The following NRXN3 variants were observed in gnomAD, a reference collection of about 807,000 sequenced individuals.
NRXN3 encodes neurexin III.
A neutral mutation model predicts 137.6 loss-of-function variants in NRXN3; 32 were observed. The ratio of observed to expected loss-of-function variants is 0.23; its 90% CI spans 0.18 to 0.31. The LOEUF is 0.31. Ranked by LOEUF, NRXN3 falls within the 10% of genes least tolerant of loss-of-function variation. The pLI is 1.00. For synonymous variants in NRXN3, 798 were observed against 784.5 expected (o/e 1.02, Z -0.29); for missense variants, 1,574 against 2,062.5 (o/e 0.76, Z 4.59).
chr14:78,655,782 T>C (rs1041327565), intron 6 of NRXN3, among the ~76,000 whole-genome samples: 2 of 152,184 alleles, frequency 1.3e-5, no homozygotes, highest in Admixed American at 1.3e-4. Flanking sequence ...AAAAGTATCA[T>C]AGGCTGAGTG....
At chr14:78,259,071 G>A (rs375045045) in intron 2 of NRXN3, among the ~76,000 whole-genome samples, 307 of 151,108 alleles carry the variant, frequency 2.0e-3, no homozygotes, top group African/African-American at 7.1e-3. Flanking sequence ...GGTGGAGGTT[G>A]CAGTGAGCCA....
At chr14:79,489,106 C>T (rs1487601008) in intron 16 of NRXN3, among the ~76,000 whole-genome samples, 1 of 151,990 alleles carries the variant, frequency 6.6e-6, no homozygotes, top group Admixed American at 6.6e-5. Flanking sequence ...GGAAAAGTGA[C>T]CATAATGAAA....
intron 15 of NRXN3, among the ~76,000 whole-genome samples, chr14:79,047,144 GAA>G (rs112268708): frequency 1.2e-4 from 15 of 121,496 alleles, no homozygotes; most frequent in African/African-American, 3.8e-4. Context: ...CCCCACCCCC[GAA>G]AAAAAAAAAA....
chr14:78,476,875 T>C (rs1174423031), intron 4 of NRXN3, among the ~76,000 whole-genome samples: 4 of 152,242 alleles, frequency 2.6e-5, no homozygotes, highest in Non-Finnish European at 5.9e-5. Context: ...CCATTTATCT[T>C]CCATAACACC....
intron 15 of NRXN3, among the ~76,000 whole-genome samples, chr14:79,446,504 A>G (rs1316378548): frequency 6.6e-6 from 1 of 152,110 alleles, no homozygotes; most frequent in Non-Finnish European, 1.5e-5. Context: ...GTTGCTCTCC[A>G]CATAAAAATA....
At chr14:79,539,087 T>C (rs1429601328) in intron 16 of NRXN3, among the ~76,000 whole-genome samples, 1 of 152,066 alleles carries the variant, frequency 6.6e-6, no homozygotes, top group South Asian at 2.1e-4. Flanking sequence ...TGAGATGGAG[T>C]CTTGCTCTGT....
At chr14:78,522,485 G>A (rs1282221918) in intron 4 of NRXN3, among the ~76,000 whole-genome samples, 2 of 152,170 alleles carry the variant, frequency 1.3e-5, no homozygotes, top group South Asian at 4.1e-4. Flanking sequence ...ATCGGAAATA[G>A]TTGACTACAA....
chr14:78,218,347 C>A (rs537872403), intron 1 of NRXN3, among the ~76,000 whole-genome samples: 1 of 152,248 alleles, frequency 6.6e-6, no homozygotes, highest in East Asian at 1.9e-4. Flanking sequence ...CAAAGAAAGA[C>A]CCTATCGCTC....
intron 10 of NRXN3, among the ~76,000 whole-genome samples, chr14:78,879,174 A>C (rs780860471): frequency 6.6e-6 from 1 of 152,176 alleles, no homozygotes; most frequent in Non-Finnish European, 1.5e-5. Context: ...TGAATGTTGG[A>C]CTGCAGATAT....
intron 15 of NRXN3, among the ~76,000 whole-genome samples, chr14:79,429,219 G>A (rs979359581): frequency 2.0e-5 from 3 of 152,030 alleles, no homozygotes; most frequent in Non-Finnish European, 2.9e-5. Flanking sequence ...TTGAGAAATC[G>A]ATTCGTGTAT....
chr14:79,775,817 A>G (rs1379121820), intron 19 of NRXN3, among the ~76,000 whole-genome samples: 1 of 152,200 alleles, frequency 6.6e-6, no homozygotes, highest in African/African-American at 2.4e-5. Flanking sequence ...GATTTTGGGC[A>G]TCTTGGTTCT....
chr14:78,418,090 A>C (rs1043379428), intron 4 of NRXN3, among the ~76,000 whole-genome samples: 1 of 152,144 alleles, frequency 6.6e-6, no homozygotes, highest in Non-Finnish European at 1.5e-5. Flanking sequence ...ATTAGTGTGC[A>C]TGTTCTCCAT....
At chr14:78,636,522 CAA>C (rs1393337174) in intron 4 of NRXN3, among the ~76,000 whole-genome samples, 2 of 152,016 alleles carry the variant, frequency 1.3e-5, no homozygotes, top group Non-Finnish European at 2.9e-5. Context: ...GAGACATGGT[CAA>C]AGTGTTACTC....
In NRXN3 at chr14:78,693,656, CGTGTGTGTGTGTGTGT is replaced by C. The variant is rs4016744; in HGVS notation, c.1222-15520_1222-15505del. On this transcript the variant is annotated intron_variant, in intron 6 of 20. Coordinates refer to ENST00000335750, the MANE Select transcript of NRXN3 (RefSeq NM_001330195.2). Reference sequence around the variant, plus strand: ...TGCAATAGCTTTTCAAGTTGATTTTCGTGTGTGTGTGTGTGTGTGTGTGTGTGTGTGTGTGTGTGTG... The same window carrying C: ...TGCAATAGCTTTTCAAGTTGATTTTCGTGTGTGTGTGTGTGTGTGTGTGTG... Among the ~76,000 whole-genome samples, 680 of 113,978 alleles carry C rather than the reference CGTGTGTGTGTGTGTGT, an allele frequency of 6.0e-3. 9 individuals are homozygous for C. The highest frequency in any genetic ancestry group is 0.018 in the African/African-American group (543 of 30,670). 74.8% of individuals were successfully genotyped at this position (113,978 alleles called of 152,430 possible).
chr14:79,432,794 C>T (rs138208042), intron 15 of NRXN3, among the ~76,000 whole-genome samples: 101 of 152,174 alleles, frequency 6.6e-4, no homozygotes, highest in African/African-American at 2.4e-3. Context: ...TCTACTTTGT[C>T]CAGTGGGCTT....
intron 4 of NRXN3, among the ~76,000 whole-genome samples, chr14:78,630,680 C>T (rs1481202622): frequency 1.3e-5 from 2 of 151,128 alleles, no homozygotes; most frequent in East Asian, 1.9e-4. Context: ...TCTTGGCTCA[C>T]GGCAAGCTCC....
chr14:78,182,738 T>G (rs2059921344), intron 1 of NRXN3, among the ~76,000 whole-genome samples: 1 of 152,196 alleles, frequency 6.6e-6, no homozygotes, highest in Non-Finnish European at 1.5e-5. Flanking sequence ...CCCAAAGTGC[T>G]GGGATTACAA....
intron 15 of NRXN3, among the ~76,000 whole-genome samples, chr14:79,062,987 A>AG (rs1319209056): frequency 6.6e-6 from 1 of 152,112 alleles, no homozygotes; most frequent in Non-Finnish European, 1.5e-5. Flanking sequence ...ATTTTGAGAA[A>AG]GGGGGGGAGG....
At chr14:78,930,167 A>G (rs973061206) in intron 10 of NRXN3, among the ~76,000 whole-genome samples, 5 of 152,176 alleles carry the variant, frequency 3.3e-5, no homozygotes, top group African/African-American at 1.2e-4. Context: ...TAATAGACCA[A>G]TGTCAGTGGA....
Sources: allele counts gnomAD v4.1 joint callset (sites outside exome capture counted in the v4.1 genomes callset), GRCh38; gene constraint gnomAD v4.1.1; transcripts MANE v1.5; gene names NCBI Gene and HGNC (gene_info 2026-07-23, HGNC 2026-07-21).